Variants in SNTG1 observed in about 807,000 individuals in gnomAD.
SNTG1 encodes gamma-1-syntrophin.
SNTG1 carries 39 observed loss-of-function variants against 74.7 expected under a neutral mutation model. The ratio of observed to expected loss-of-function variants is 0.52; its 90% confidence interval spans 0.40 to 0.68. The LOEUF is 0.68. Among genes scored for constraint, SNTG1 ranks in the 30% least tolerant of loss-of-function variants. The pLI is 0.00. For missense variants in SNTG1, 685 were observed against 609.5 expected (o/e 1.12, Z -1.30); for synonymous variants, 254 against 217.1 (o/e 1.17, Z -1.49).
chr8:50,609,762 C>CT (rs2094837198), intron 13 of SNTG1, among the ~76,000 whole-genome samples: 1 of 152,068 alleles, frequency 6.6e-6, no homozygotes, highest in African/African-American at 2.4e-5. Flanking sequence ...TTCTATTAAT[C>CT]TATCTTTTAG....
intron 1 of SNTG1, among the ~76,000 whole-genome samples, chr8:50,164,889 T>G (rs2082558655): frequency 6.6e-6 from 1 of 152,222 alleles, no homozygotes; most frequent in African/African-American, 2.4e-5. Flanking sequence ...CTTCTGAATA[T>G]TACTCTAACA....
chr8:50,037,908 T>G (rs1818300097), intron 1 of SNTG1, among the ~76,000 whole-genome samples: 1 of 152,208 alleles, frequency 6.6e-6, no homozygotes, highest in Non-Finnish European at 1.5e-5. Context: ...AAAGGGACTT[T>G]GTGGGTGCTC....
At chr8:50,328,277 G>A (rs2090830833) in intron 2 of SNTG1, among the ~76,000 whole-genome samples, 1 of 152,160 alleles carries the variant, frequency 6.6e-6, no homozygotes. Flanking sequence ...TTTCACTTTT[G>A]AAGGATAATT....
At chr8:50,201,172 C>A (rs1206460267) in intron 2 of SNTG1, among the ~76,000 whole-genome samples, 1 of 152,096 alleles carries the variant, frequency 6.6e-6, no homozygotes, top group Non-Finnish European at 1.5e-5. Context: ...TAGCCATGTG[C>A]CCAGGATCAG....
At chr8:50,785,781 C>G (rs941996343) in intron 18 of SNTG1, among the ~76,000 whole-genome samples, 2 of 151,934 alleles carry the variant, frequency 1.3e-5, no homozygotes, top group African/African-American at 2.4e-5. Context: ...AGCTTGCAAA[C>G]CAAATCCAGC....
intron 13 of SNTG1, among the ~76,000 whole-genome samples, chr8:50,593,717 C>CTTTT (rs1183759564): frequency 7.3e-6 from 1 of 136,068 alleles, no homozygotes; most frequent in African/African-American, 2.7e-5. Context: ...TGATTTGGTT[C>CTTTT]TTTTTTTTTT....
intron 2 of SNTG1, among the ~76,000 whole-genome samples, chr8:50,361,820 C>G (rs573568786): frequency 1.5e-4 from 23 of 152,250 alleles, no homozygotes; most frequent in African/African-American, 5.1e-4. Flanking sequence ...CAGCACATTA[C>G]TATACTAAAA....
intron 13 of SNTG1, among the ~76,000 whole-genome samples, chr8:50,610,677 G>GTT (rs981941167): frequency 2.0e-5 from 3 of 152,144 alleles, no homozygotes; most frequent in Non-Finnish European, 4.4e-5. Flanking sequence ...TATCAAAGTT[G>GTT]TTGGGTTTCG....
Position 50,763,856 on chromosome 8 carries a change from AACACACACACACAC to A in SNTG1, c.1395+11783_1395+11796del, listed in dbSNP as rs59221694. On this transcript the variant is annotated intron_variant, in intron 18 of 18. Coordinates refer to ENST00000642720, the MANE Select transcript of SNTG1 (RefSeq NM_018967.5). ...AGATAAGCTCTAAAATTAATACAGA[AACACACACACACAC>A]ACACACACACACACACACACACACA... Among the ~76,000 whole-genome samples, 343 of 103,486 alleles carry A rather than the reference AACACACACACACAC, an allele frequency of 3.3e-3. 4 individuals carry two copies. Among genetic ancestry groups the A allele is most frequent in the African/African-American group, 7.5e-3 (211 of 28,176 alleles). 67.9% of individuals were successfully genotyped at this position (103,486 alleles called of 152,430 possible).
At chr8:50,275,447 T>G (rs1028466852) in intron 2 of SNTG1, among the ~76,000 whole-genome samples, 1 of 152,216 alleles carries the variant, frequency 6.6e-6, no homozygotes, top group Non-Finnish European at 1.5e-5. Flanking sequence ...GCATATTAGT[T>G]TATATCTTTA....
At chr8:50,456,162 C>T (rs2093503246) in intron 8 of SNTG1, among the ~76,000 whole-genome samples, 1 of 152,090 alleles carries the variant, frequency 6.6e-6, no homozygotes, top group African/African-American at 2.4e-5. Flanking sequence ...CATGTCCGTC[C>T]CCTGTATAAG....
At chr8:50,508,081 T>A (rs2392700) in intron 9 of SNTG1, among the ~76,000 whole-genome samples, 9 of 151,406 alleles carry the variant, frequency 5.9e-5, no homozygotes, top group East Asian at 1.9e-4. Context: ...CCCACTCCCC[T>A]CAACAGGCTA....
intron 1 of SNTG1, among the ~76,000 whole-genome samples, chr8:50,051,185 G>A (rs1283151438): frequency 1.3e-5 from 2 of 150,104 alleles, no homozygotes; most frequent in African/African-American, 4.9e-5. Context: ...ACTTATTTTG[G>A]AAAGTAAAAA....
At chr8:50,576,530 G>C (rs889337883) in intron 12 of SNTG1, among the ~76,000 whole-genome samples, 6 of 152,012 alleles carry the variant, frequency 3.9e-5, no homozygotes, top group African/African-American at 1.4e-4. Flanking sequence ...TAAGGTTTGA[G>C]GGAATCTGTG....
intron 2 of SNTG1, among the ~76,000 whole-genome samples, chr8:50,215,438 C>G (rs979800450): frequency 2.8e-5 from 4 of 144,988 alleles, no homozygotes; most frequent in African/African-American, 1.0e-4. Context: ...TATATATAGT[C>G]TATATATATG....
At chr8:50,766,197 C>T (rs898251548) in intron 18 of SNTG1, among the ~76,000 whole-genome samples, 2 of 151,972 alleles carry the variant, frequency 1.3e-5, no homozygotes, top group African/African-American at 2.4e-5. Flanking sequence ...TTTTTCATCC[C>T]GAAAATATTG....
intron 2 of SNTG1, among the ~76,000 whole-genome samples, chr8:50,207,479 G>C (rs935114451): frequency 5.9e-5 from 9 of 151,964 alleles, no homozygotes; most frequent in African/African-American, 1.9e-4. Flanking sequence ...AGTCTTGCTA[G>C]TGGTTTATCG....
chr8:50,204,873 T>A lies in SNTG1; in HGVS notation c.-28+32238T>A, dbSNP rs190120014. On this transcript the variant is annotated intron_variant, in intron 2 of 18. Transcript: ENST00000642720. The stretch of plus-strand genomic sequence containing the variant: ...CTGAGAATGATGGTTCCCAGCTTCA[T>A]CCATGTCCCTACAAAGGACGTGAAC... Among the ~76,000 whole-genome samples, 580 of 152,302 alleles carry A rather than the reference T, an allele frequency of 3.8e-3. 4 individuals carry two copies. Among genetic ancestry groups the A allele is most frequent in the African/African-American group, 0.013 (545 of 41,550 alleles).
chr8:50,132,111 A>T (rs2131407821), intron 1 of SNTG1, among the ~76,000 whole-genome samples: 1 of 152,232 alleles, frequency 6.6e-6, no homozygotes, highest in African/African-American at 2.4e-5. Flanking sequence ...TCAAAATGTG[A>T]TGCCTCTAGC....
Sources: allele counts gnomAD v4.1 joint callset (sites outside exome capture counted in the v4.1 genomes callset), GRCh38; gene constraint gnomAD v4.1.1; transcripts MANE v1.5; gene names NCBI Gene and HGNC (gene_info 2026-07-23, HGNC 2026-07-21).